Variants in LRIG3 observed in about 807,000 individuals in gnomAD.
LRIG3 encodes leucine rich repeats and immunoglobulin like domains 3, also known as leucine-rich repeats and immunoglobulin-like domains protein 3.
LRIG3 carries 76 observed loss-of-function variants against 114.5 expected under a neutral mutation model. The ratio of observed to expected loss-of-function variants is 0.66; its 90% CI spans 0.55 to 0.80. LRIG3 has a LOEUF of 0.80. Ranked by LOEUF, LRIG3 falls within the 30% of genes least tolerant of loss-of-function variation. The probability of loss-of-function intolerance (pLI) is 0.00; values close to 1 mark genes in which losing one functional copy is unlikely to be tolerated. For synonymous variants in LRIG3, 512 were observed against 519.8 expected (o/e 0.98, Z 0.20); for missense variants, 1,239 against 1,382.8 (o/e 0.90, Z 1.65).
chr12:58,906,951 T>TAAA (rs77233148), intron 3 of LRIG3, among the ~76,000 whole-genome samples: 2 of 132,760 alleles, frequency 1.5e-5, no homozygotes, highest in African/African-American at 5.5e-5. Flanking sequence ...TTCCCCTGCT[T>TAAA]AAAAAAAAAA....
At position 58,877,412 on chromosome 12, in the gene LRIG3, T is replaced by C; in HGVS notation, c.2524A>G (p.Ile842Val). 4 of 1,613,792 alleles carry C rather than the reference T, an allele frequency of 2.5e-6. No homozygotes were observed. The highest frequency in any genetic ancestry group is 3.4e-6 in the Non-Finnish European group (4 of 1,179,740). The part of the protein sequence containing the change: ...HTRRRNEDCS[I>V]TNTDETNLPA... ...TCTGTTTACACACCTGTGTTGGTAA[T>C]GCTGCAATCTTCATTCCTCCGCCTT... The change falls in exon 15 of 19, where the codon ATT becomes GTT. Residue 842 changes from isoleucine (I) to valine (V), a missense_variant. Coordinates refer to ENST00000320743, the MANE Select transcript of LRIG3 (RefSeq NM_153377.5).
At chr12:58,882,376 A>G (rs1871151379) in intron 12 of LRIG3, among the ~76,000 whole-genome samples, 1 of 152,218 alleles carries the variant, frequency 6.6e-6, no homozygotes, top group Admixed American at 6.5e-5. Context: ...TGCTAAAACA[A>G]TGGACCTTAA....
intron 5 of LRIG3, 102 bp downstream of exon 5, chr12:58,889,894 C>G (rs1383659308): frequency 4.2e-6 from 6 of 1,412,388 alleles, no homozygotes; most frequent in African/African-American, 1.4e-5. Flanking sequence ...CAGCTACATC[C>G]TTGCTCCTAA....
At position 58,920,384 on chromosome 12, in the gene LRIG3, C is replaced by T. The variant is rs1872631620; in HGVS notation, c.-149G>A. ...GCTGCCCGGTCAATTCCTTCTTTTA[C>T]TCCCGGCGGCGAAGCCCTTTCATGC... On this transcript the variant is annotated 5_prime_UTR_variant, in exon 1 of 19. Coordinates refer to ENST00000320743, the MANE Select transcript of LRIG3 (RefSeq NM_153377.5). 3.8e-6 allele frequency: 2 copies of T among 521,438 alleles called. No individual in the cohort carries two copies. The highest frequency in any genetic ancestry group is 2.0e-5 in the African/African-American group (1 of 49,942). 32.3% of individuals were successfully genotyped at this position (521,438 alleles called of 1,614,324 possible).
In LRIG3 at chr12:58,883,503, G is replaced by A. The variant is rs1193119876; in HGVS notation, c.1316+17C>T. ...CCTCTATACTTTCAGACTCCTAGAA[G>A]GAAAAGAAAAGCTTACAATTGTTGC... On this transcript the variant is annotated intron_variant, in intron 11 of 18. Transcript: ENST00000320743. 33 of 1,520,426 alleles carry A rather than the reference G, an allele frequency of 2.2e-5. No individual in the cohort carries two copies. Among genetic ancestry groups the A allele is most frequent in the Admixed American group, 3.4e-5 (2 of 58,262 alleles). The allele number at this position is 1,520,426 out of a possible 1,614,324, so 94.2% of individuals were successfully genotyped here.
Position 58,877,669 on chromosome 12 carries a change from T to A in LRIG3, c.2267A>T (p.Asp756Val). ...AAGNQLLIIV[D>V]SDVSDAGKYT... ...TTTCCCAGCATCACTGACATCTGAGTCCACAATAATCAGAAGCTGATTGCC... is the reference window on the plus strand; with the variant it reads ...TTTCCCAGCATCACTGACATCTGAGACCACAATAATCAGAAGCTGATTGCC... The change falls in exon 15 of 19, where the codon GAC becomes GTC. Residue 756 changes from aspartate (D) to valine (V), a missense_variant. Transcript: ENST00000320743. The A allele has an allele frequency of 6.2e-7, 1 of 1,614,078 alleles. No homozygotes were observed. Among genetic ancestry groups the A allele is most frequent in the Non-Finnish European group, 8.5e-7 (1 of 1,180,020 alleles).
intron 10 of LRIG3, among the ~76,000 whole-genome samples, chr12:58,885,226 G>C (rs1298194395): frequency 6.6e-6 from 1 of 152,080 alleles, no homozygotes; most frequent in African/African-American, 2.4e-5. Flanking sequence ...ACAAAAAAGA[G>C]AACAATGGTA....
intron 10 of LRIG3, 84 bp downstream of exon 10, chr12:58,885,747 C>T (rs17121655): frequency 0.021 from 18,226 of 862,836 alleles, 497 homozygotes; most frequent in Admixed American, 0.095. Flanking sequence ...AAATTACATT[C>T]CAGTTTGTTT....
intron 3 of LRIG3, among the ~76,000 whole-genome samples, chr12:58,903,003 T>C (rs1871920325): frequency 6.6e-6 from 1 of 152,198 alleles, no homozygotes; most frequent in Admixed American, 6.5e-5. Flanking sequence ...AAGTCTTTGC[T>C]TTTGTGAATA....
chr12:58,888,078 AT>A (rs1871334659), intron 7 of LRIG3, 146 bp from the exon 8 acceptor site: 1 of 813,258 alleles, frequency 1.2e-6, no homozygotes, highest in African/African-American at 1.7e-5. Flanking sequence ...TATTTCTAAT[AT>A]CAGTAATTAA....
chr12:58,915,066 CATT>C (rs1565625258), intron 1 of LRIG3, among the ~76,000 whole-genome samples: 1 of 152,192 alleles, frequency 6.6e-6, no homozygotes, highest in African/African-American at 2.4e-5. Flanking sequence ...CATAGAACAT[CATT>C]ACTATTAAAA....
chr12:58,890,168 C>A, intron 4 of LRIG3, 29 bp from the exon 5 acceptor site: 1 of 1,607,344 alleles, frequency 6.2e-7, no homozygotes, highest in Non-Finnish European at 8.5e-7. Flanking sequence ...TGAGCTTCTC[C>A]TTCTGATTTA....
rs545227727 is a variant in LRIG3, at chr12:58,895,137, A to G, written c.384-4341T>C. Among the ~76,000 whole-genome samples, 4 of 152,362 alleles carry G rather than the reference A, an allele frequency of 2.6e-5. No homozygotes were observed. In the East Asian group the frequency reaches 7.7e-4, roughly 29 times the overall value. On this transcript the variant is annotated intron_variant, in intron 3 of 18. Coordinates refer to ENST00000320743, the MANE Select transcript of LRIG3 (RefSeq NM_153377.5). Reference sequence around the variant, plus strand: ...TAAAATGCAGACGCAAACATGGCTTACCATTTTCATCTGATGATATTTACT... The same window carrying G: ...TAAAATGCAGACGCAAACATGGCTTGCCATTTTCATCTGATGATATTTACT...
chr12:58,875,605 A>ATTGTG (rs1565612983), intron 16 of LRIG3, among the ~76,000 whole-genome samples: 2 of 152,222 alleles, frequency 1.3e-5, no homozygotes, highest in African/African-American at 4.8e-5. Context: ...TTGCACAAGT[A>ATTGTG]CCTCACCAGA....
chr12:58,891,118 T>G lies in LRIG3; in HGVS notation c.384-322A>C, dbSNP rs1217630156. ...TTTCTTTTTTTTTAAAAATTTTTAT[T>G]TATTGTTATTTTTTAGAGACAGGGT... On this transcript the variant is annotated intron_variant, in intron 3 of 18. Transcript: ENST00000320743. 9.2e-5 allele frequency among the ~76,000 whole-genome samples: 14 copies of G among 152,094 alleles called. No homozygotes were observed. In the South Asian group the frequency reaches 2.9e-3, roughly 32 times the overall value.
At chr12:58,916,258 T>A (rs1216823587) in intron 1 of LRIG3, among the ~76,000 whole-genome samples, 1 of 152,148 alleles carries the variant, frequency 6.6e-6, no homozygotes, top group African/African-American at 2.4e-5. Flanking sequence ...TGGGGACCCC[T>A]CATTTCTGAT....
intron 16 of LRIG3, among the ~76,000 whole-genome samples, chr12:58,874,813 G>C (rs1870863403): frequency 6.6e-6 from 1 of 152,210 alleles, no homozygotes; most frequent in African/African-American, 2.4e-5. Flanking sequence ...GATATGTGCA[G>C]ATCCTGCAGC....
chr12:58,912,502 A>T lies in LRIG3; in HGVS notation c.383+1480T>A, dbSNP rs190707559. 1.7e-4 allele frequency among the ~76,000 whole-genome samples: 26 copies of T among 152,310 alleles called. No individual in the cohort carries two copies. In the East Asian group the frequency reaches 4.8e-3, roughly 28 times the overall value. On this transcript the variant is annotated intron_variant, in intron 3 of 18. Transcript: ENST00000320743. Reference sequence around the variant, plus strand: ...CAGAGCAAGACTCTGTCTCAAAAAAAAAAAAGTATAAAACACTAGGTTACT... The same window carrying T: ...CAGAGCAAGACTCTGTCTCAAAAAATAAAAAGTATAAAACACTAGGTTACT...
In LRIG3 at chr12:58,874,222, C is replaced by CGCA. The variant is rs773482598; in HGVS notation, c.2947_2948insTGC (p.Glu982_Arg983insLeu). 3 of 1,614,154 alleles carry CGCA rather than the reference C, an allele frequency of 1.9e-6. No individual in the cohort carries two copies. In the South Asian group the frequency reaches 3.3e-5, roughly 18 times the overall value. ...AGGCCACGATATATTACTGAAGCTC[C>CGCA]GTTCGCAGGATTCTTCTGAAGGATG... On this transcript the variant is annotated inframe_insertion, in exon 18 of 19. Transcript: ENST00000320743.
Sources: gnomAD v4.1 joint callset for allele counts (sites outside exome capture counted in the v4.1 genomes callset) on GRCh38, gnomAD v4.1.1 for gene constraint, MANE v1.5 for transcripts, NCBI Gene and HGNC (gene_info 2026-07-23, HGNC 2026-07-21) for gene names.